The following NIPA1 variants were observed in gnomAD, a reference collection of about 807,000 sequenced individuals.
NIPA1 encodes magnesium transporter NIPA1.
In NIPA1, 13 loss-of-function variants were observed where a neutral mutation model predicts 23.9. The observed-to-expected ratio is 0.54, with a 90% confidence interval of 0.35 to 0.87. The LOEUF (loss-of-function observed/expected upper bound fraction) is 0.87. Ranked by LOEUF, NIPA1 falls within the 40% of genes least tolerant of loss-of-function variation. The probability of loss-of-function intolerance (pLI) is 0.01; values close to 1 mark genes in which losing one functional copy is unlikely to be tolerated. For missense variants in NIPA1, 362 were observed against 429.7 expected (o/e 0.84, Z 1.39); for synonymous variants, 234 against 202.9 (o/e 1.15, Z -1.30).
intron 1 of NIPA1, among the ~76,000 whole-genome samples, chr15:22,805,648 T>G (rs1293615004): frequency 1.3e-5 from 2 of 152,038 alleles, no homozygotes; most frequent in Non-Finnish European, 2.9e-5. Context: ...ATCACACCAG[T>G]GCACTCCAGC....
chr15:22,786,257 G>C (rs1177789213), upstream of NIPA1: 1 of 152,102 alleles, frequency 6.6e-6, no homozygotes, highest in Non-Finnish European at 1.5e-5. Context: ...CGGTGAGTTG[G>C]GCCGGCCTCC....
At chr15:22,823,415 T>G (rs1895582976) in intron 4 of NIPA1, among the ~76,000 whole-genome samples, 1 of 151,742 alleles carries the variant, frequency 6.6e-6, no homozygotes, top group African/African-American at 2.4e-5. Flanking sequence ...TTGGCCAGGC[T>G]GGTCTTGAAC....
At chr15:22,811,019 A>T (rs1429591774) in intron 2 of NIPA1, 3 of 575,054 alleles carry the variant, frequency 5.2e-6, no homozygotes, top group Non-Finnish European at 9.3e-6. Context: ...GCAGAAGGAC[A>T]AGTTAGGAGC....
intron 1 of NIPA1, among the ~76,000 whole-genome samples, chr15:22,803,411 T>A: frequency 6.6e-6 from 1 of 152,056 alleles, no homozygotes; most frequent in South Asian, 2.1e-4. Flanking sequence ...ACCATACAGA[T>A]ATATGTTATA....
chr15:22,795,343 T>G (rs1470169119), intron 1 of NIPA1, among the ~76,000 whole-genome samples: 2 of 152,044 alleles, frequency 1.3e-5, no homozygotes, highest in African/African-American at 4.8e-5. Context: ...CATGCCATGT[T>G]GTGATTCTGT....
At chr15:22,816,682 G>A (rs1263878685) in intron 3 of NIPA1, among the ~76,000 whole-genome samples, 16 of 149,812 alleles carry the variant, frequency 1.1e-4, no homozygotes, top group Non-Finnish European at 1.2e-4. Context: ...GTAGAGATGG[G>A]GTTTTGCCAT....
intron 3 of NIPA1, among the ~76,000 whole-genome samples, chr15:22,812,533 G>A (rs1256821234): frequency 2.0e-5 from 3 of 151,960 alleles, no homozygotes; most frequent in Non-Finnish European, 4.4e-5. Context: ...ACCACCTGTA[G>A]TCCTAGCTAC....
chr15:22,810,804 G>C lies in NIPA1; in HGVS notation c.226+8G>C. The C allele has an allele frequency of 6.2e-7, 1 of 1,602,074 alleles. No homozygotes were observed. ...GGGCTGGCACAATCGCAAGTAAGTA[G>C]CCTGTGTGGCGAAGTCTGGTCTTTT... On this transcript the variant is annotated splice_region_variant and intron_variant, in intron 2 of 4. Transcript: ENST00000337435.
In NIPA1 at chr15:22,825,160, C is replaced by T. The variant is rs1345230894; in HGVS notation, c.*921C>T. ...TGGGACACCTATGACCCACCCAGGC[C>T]AGATGGTACAGCCTGTTGCTCCTGG... On this transcript the variant is annotated 3_prime_UTR_variant, in exon 5 of 5. Coordinates refer to ENST00000337435, the MANE Select transcript of NIPA1 (RefSeq NM_144599.5). 2 of 152,190 alleles carry T rather than the reference C, an allele frequency of 1.3e-5. No homozygotes were observed. The highest frequency in any genetic ancestry group is 3.9e-4 in the East Asian group (2 of 5,190). 9.4% of individuals were successfully genotyped at this position (152,190 alleles called of 1,614,324 possible).
Position 22,828,013 on chromosome 15 carries a change from C to T in NIPA1, c.*3774C>T, listed in dbSNP as rs1269220511. ...ACCTGCTCGATGCTGACTTAGGCTT[C>T]CTGCCACCAAGCAGGAAACTAGAAA... On this transcript the variant is annotated 3_prime_UTR_variant, in exon 5 of 5. Coordinates refer to ENST00000337435, the MANE Select transcript of NIPA1 (RefSeq NM_144599.5). The T allele has an allele frequency of 6.6e-6, 1 of 152,346 alleles. No homozygotes were observed. The highest frequency in any genetic ancestry group is 1.5e-5 in the Non-Finnish European group (1 of 68,044). The allele number at this position is 152,346 out of a possible 1,614,324, so 9.4% of individuals were successfully genotyped here. A position where few individuals can be genotyped will look rare whatever the true frequency, so the allele number is the denominator to read the frequency against.
intron 1 of NIPA1, among the ~76,000 whole-genome samples, chr15:22,792,522 C>T (rs966807014): frequency 2.0e-5 from 3 of 152,026 alleles, no homozygotes; most frequent in Non-Finnish European, 4.4e-5. Flanking sequence ...CCACACCCGG[C>T]TAATTTTTTG....
chr15:22,814,362 C>T (rs1200048674), intron 3 of NIPA1, among the ~76,000 whole-genome samples: 2 of 151,708 alleles, frequency 1.3e-5, no homozygotes, highest in Non-Finnish European at 2.9e-5. Flanking sequence ...GGTTCATGCC[C>T]GGCTAATTTT....
chr15:22,787,460 A>G (rs1429009985), intron 1 of NIPA1, among the ~76,000 whole-genome samples: 7 of 152,184 alleles, frequency 4.6e-5, no homozygotes, highest in Non-Finnish European at 1.5e-5. Context: ...AAATGAATAC[A>G]AGTGATCTTC....
At chr15:22,799,548 C>G (rs559118159) in intron 1 of NIPA1, among the ~76,000 whole-genome samples, 4 of 151,990 alleles carry the variant, frequency 2.6e-5, no homozygotes, top group Admixed American at 2.6e-4. Flanking sequence ...TTTGGGAGGC[C>G]AAGGTGGGCA....
intron 1 of NIPA1, among the ~76,000 whole-genome samples, chr15:22,796,975 T>C (rs1566777973): frequency 1.3e-5 from 2 of 152,054 alleles, no homozygotes; most frequent in Non-Finnish European, 2.9e-5. Flanking sequence ...GTACAGAAAA[T>C]GGTGGTTCGG....
At chr15:22,806,525 G>T (rs2140862718) in intron 1 of NIPA1, among the ~76,000 whole-genome samples, 1 of 146,956 alleles carries the variant, frequency 6.8e-6, no homozygotes, top group African/African-American at 2.7e-5. Flanking sequence ...AGCATCCTCT[G>T]CATCCTTCAG....
rs542319794 is a variant in NIPA1 at position 22,809,438 on chromosome 15, C to G, written c.179-1311C>G. On this transcript the variant is annotated intron_variant, in intron 1 of 4. Transcript: ENST00000337435. ...CATTACTGTAATCTGTGGTTAACAA[C>G]AAAAAATCTCCTCAAAAAATGCTTA... 1.5e-4 allele frequency among the ~76,000 whole-genome samples: 23 copies of G among 152,068 alleles called. No homozygotes were observed. In the South Asian group the frequency reaches 3.3e-3, roughly 22 times the overall value.
At chr15:22,794,102 G>T (rs1319121691) in intron 1 of NIPA1, among the ~76,000 whole-genome samples, 1 of 151,144 alleles carries the variant, frequency 6.6e-6, no homozygotes, top group African/African-American at 2.4e-5. Flanking sequence ...GAAAAATATT[G>T]CTGTTATATT....
intron 1 of NIPA1, among the ~76,000 whole-genome samples, chr15:22,799,344 T>C (rs1411825988): frequency 6.6e-6 from 1 of 152,128 alleles, no homozygotes; most frequent in Non-Finnish European, 1.5e-5. Flanking sequence ...TGTTCTTACT[T>C]ATATGTGGGA....
Sources: allele counts gnomAD v4.1 joint callset (sites outside exome capture counted in the v4.1 genomes callset), GRCh38; gene constraint gnomAD v4.1.1; transcripts MANE v1.5; gene names NCBI Gene and HGNC (gene_info 2026-07-23, HGNC 2026-07-21).